The following CCSER2 variants were observed in gnomAD, a reference collection of about 807,000 sequenced individuals.
The protein encoded by CCSER2 is coiled-coil serine rich protein 2.
Under a neutral mutation model 92.3 loss-of-function variants are expected in CCSER2, and 46 were observed. The ratio of observed to expected loss-of-function variants is 0.50; its 90% CI spans 0.39 to 0.64. The LOEUF (loss-of-function observed/expected upper bound fraction) is 0.64. Ranked by LOEUF, CCSER2 falls within the 30% of genes least tolerant of loss-of-function variation. The pLI is 0.00. For synonymous variants in CCSER2, 433 were observed against 431.4 expected, an observed-to-expected ratio of 1.00 and a Z score of -0.04; for missense variants, 1,244 against 1,238.9, an observed-to-expected ratio of 1.00 and a Z score of -0.06.
At chr10:84,451,687 T>TA (rs201137468) in intron 6 of CCSER2, among the ~76,000 whole-genome samples, 2,994 of 152,244 alleles carry the variant, frequency 0.02, 47 homozygotes, top group South Asian at 0.07. Flanking sequence ...GTAGGTTCAA[T>TA]AAAAAATTTA....
chr10:84,340,973 A>G (rs1844143209), intron 1 of CCSER2, among the ~76,000 whole-genome samples: 1 of 151,814 alleles, frequency 6.6e-6, no homozygotes, highest in African/African-American at 2.4e-5. Flanking sequence ...TATTTAGGGC[A>G]CTATTAGAAG....
At chr10:84,391,043 T>G (rs1231611356) in intron 3 of CCSER2, 2 of 777,142 alleles carry the variant, frequency 2.6e-6, no homozygotes, top group South Asian at 1.3e-5. Flanking sequence ...GCAGATTCAG[T>G]AGGACATCAT....
intron 5 of CCSER2, among the ~76,000 whole-genome samples, chr10:84,438,159 A>G (rs575952937): frequency 2.0e-5 from 3 of 152,122 alleles, no homozygotes; most frequent in Non-Finnish European, 4.4e-5. Context: ...GAAGTTAAAC[A>G]AAGTTAAAAA....
chr10:84,350,238 C>T (rs912659545), intron 1 of CCSER2, among the ~76,000 whole-genome samples: 1 of 152,222 alleles, frequency 6.6e-6, no homozygotes, highest in African/African-American at 2.4e-5. Context: ...CCAGAGCACT[C>T]TCTGCATAGC....
chr10:84,441,744 T>G (rs1480930057), intron 6 of CCSER2, among the ~76,000 whole-genome samples: 5 of 30,092 alleles, frequency 1.7e-4, no homozygotes, highest in Admixed American at 3.6e-4. Flanking sequence ...ATGTTTTTTT[T>G]TTTTTTTTTT....
At chr10:84,414,774 G>A (rs10887286) in intron 3 of CCSER2, among the ~76,000 whole-genome samples, 129,763 of 152,118 alleles carry the variant, frequency 0.85, 55,420 homozygotes, top group East Asian at 0.9. Context: ...CATCTCTTTC[G>A]GGTATCCCAA....
At chr10:84,483,888 G>A (rs758739050) in intron 9 of CCSER2, among the ~76,000 whole-genome samples, 4 of 140,452 alleles carry the variant, frequency 2.8e-5, no homozygotes, top group Non-Finnish European at 4.6e-5. Flanking sequence ...CTGTTCAAGA[G>A]ATTCTCCCAC....
intron 3 of CCSER2, among the ~76,000 whole-genome samples, chr10:84,416,215 C>T (rs556469549): frequency 3.9e-5 from 6 of 152,264 alleles, no homozygotes; most frequent in East Asian, 3.9e-4. Flanking sequence ...ACATTGCTCC[C>T]GGGTGGACTG....
chr10:84,334,741 A>C (rs1564573352), intron 1 of CCSER2, among the ~76,000 whole-genome samples: 1 of 152,064 alleles, frequency 6.6e-6, no homozygotes, highest in Non-Finnish European at 1.5e-5. Context: ...CTTGTTTTAA[A>C]TTTTCTTGGT....
intron 3 of CCSER2, among the ~76,000 whole-genome samples, chr10:84,410,060 A>G (rs1052731510): frequency 2.0e-5 from 3 of 151,846 alleles, no homozygotes; most frequent in Non-Finnish European, 4.4e-5. Context: ...ATGTCTTCCA[A>G]CTCTAATGAT....
At position 84,517,191 on chromosome 10, in the gene CCSER2, T is replaced by A. The variant is rs1300660669; in HGVS notation, c.*2924T>A. Reference sequence around the variant, plus strand: ...AAGAAATTTTATGGGGTTTGTTAAGTTTCACATTCGTGAAAGAGGAAATTA... The same window carrying A: ...AAGAAATTTTATGGGGTTTGTTAAGATTCACATTCGTGAAAGAGGAAATTA... On this transcript the variant is annotated 3_prime_UTR_variant, in exon 10 of 10. Transcript: ENST00000372088. 2 of 152,278 alleles carry A rather than the reference T, an allele frequency of 1.3e-5. No individual in the cohort carries two copies. Among genetic ancestry groups the A allele is most frequent in the African/African-American group, 4.8e-5 (2 of 41,462 alleles). 9.4% of individuals were successfully genotyped at this position (152,278 alleles called of 1,614,324 possible).
chr10:84,359,976 G>C (rs1269615921), intron 1 of CCSER2, among the ~76,000 whole-genome samples: 1 of 151,964 alleles, frequency 6.6e-6, no homozygotes, highest in African/African-American at 2.4e-5. Flanking sequence ...ACCACACCCA[G>C]CTGATTTTTG....
chr10:84,516,468 C>G lies in CCSER2; in HGVS notation c.*2201C>G, dbSNP rs1480705445. The G allele has an allele frequency of 6.6e-6, 1 of 152,160 alleles. No homozygotes were observed. The highest frequency in any genetic ancestry group is 6.5e-5 in the Admixed American group (1 of 15,278). The allele number at this position is 152,160 out of a possible 1,614,324, so 9.4% of individuals were successfully genotyped here. ...ATTTTGAAGGAGAAAGAAAACCGTT[C>G]TCACATGTTGCAAATATGTGAATCA... On this transcript the variant is annotated 3_prime_UTR_variant, in exon 10 of 10. Coordinates refer to ENST00000372088, the MANE Select transcript of CCSER2 (RefSeq NM_001284240.2).
intron 4 of CCSER2, among the ~76,000 whole-genome samples, chr10:84,422,494 T>C (rs1226881387): frequency 6.6e-6 from 1 of 152,216 alleles, no homozygotes; most frequent in Non-Finnish European, 1.5e-5. Flanking sequence ...TTTTTTCTTC[T>C]TTATTTCTTA....
chr10:84,513,417 C>A, intron 9 of CCSER2, 32 bp from the exon 10 acceptor site: 3 of 1,498,402 alleles, frequency 2.0e-6, no homozygotes, highest in Non-Finnish European at 2.7e-6. Flanking sequence ...TTTCTAAGAA[C>A]TTGCTGCTAA....
At chr10:84,461,961 G>T (rs1846126227) in intron 6 of CCSER2, among the ~76,000 whole-genome samples, 1 of 152,142 alleles carries the variant, frequency 6.6e-6, no homozygotes, top group Non-Finnish European at 1.5e-5. Context: ...GTTGAGTTTA[G>T]GCTACAAGGT....
chr10:84,387,373 GT>G (rs766691262), intron 3 of CCSER2, among the ~76,000 whole-genome samples: 5 of 152,058 alleles, frequency 3.3e-5, no homozygotes, highest in Non-Finnish European at 5.9e-5. Flanking sequence ...TACTGACTTA[GT>G]GTGTTTAGGT....
At chr10:84,455,209 C>G (rs1187420087) in intron 6 of CCSER2, 4 of 176,294 alleles carry the variant, frequency 2.3e-5, no homozygotes, top group Admixed American at 1.6e-4. Context: ...CAGTCTTTTT[C>G]AACCTGAGCC....
intron 6 of CCSER2, among the ~76,000 whole-genome samples, chr10:84,447,550 A>G (rs1184352707): frequency 2.0e-5 from 3 of 152,174 alleles, no homozygotes; most frequent in Admixed American, 2.0e-4. Context: ...TAATACAGTG[A>G]ATTTATCAGA....
Sources: allele counts gnomAD v4.1 joint callset (sites outside exome capture counted in the v4.1 genomes callset), GRCh38; gene constraint gnomAD v4.1.1; transcripts MANE v1.5; gene names NCBI Gene and HGNC (gene_info 2026-07-23, HGNC 2026-07-21).